Variants in FAM13C observed in about 807,000 individuals in gnomAD.
The protein encoded by FAM13C is protein FAM13C.
FAM13C carries 37 observed loss-of-function variants against 73.2 expected under a neutral mutation model. That is an observed-to-expected ratio of 0.51 (90% CI 0.39 to 0.67). The LOEUF (loss-of-function observed/expected upper bound fraction) is 0.67, where lower values mean the gene tolerates loss of function less well. FAM13C is among the 30% of genes least tolerant of loss of function. The probability of loss-of-function intolerance (pLI) is 0.00; values close to 1 mark genes in which losing one functional copy is unlikely to be tolerated. For synonymous variants in FAM13C, 246 were observed against 260.9 expected, an observed-to-expected ratio of 0.94 and a Z score of 0.55; for missense variants, 589 against 715.6, an observed-to-expected ratio of 0.82 and a Z score of 2.02.
chr10:59,312,860 C>T (rs1205823616), intron 4 of FAM13C, among the ~76,000 whole-genome samples: 6 of 152,180 alleles, frequency 3.9e-5, no homozygotes, highest in African/African-American at 1.4e-4. Flanking sequence ...CACACCAAGC[C>T]TTTCTGACCC....
chr10:59,281,644 G>A (rs1255489003), intron 6 of FAM13C, among the ~76,000 whole-genome samples: 1 of 152,182 alleles, frequency 6.6e-6, no homozygotes, highest in Non-Finnish European at 1.5e-5. Context: ...TCCTCCGTGT[G>A]AGCAATCCCT....
intron 5 of FAM13C, among the ~76,000 whole-genome samples, chr10:59,301,796 A>G (rs563286214): frequency 3.9e-5 from 6 of 152,326 alleles, no homozygotes; most frequent in Non-Finnish European, 7.3e-5. Context: ...CACACACAAA[A>G]ATAACAATTC....
chr10:59,333,176 T>C (rs750908338), intron 3 of FAM13C, among the ~76,000 whole-genome samples: 1 of 152,106 alleles, frequency 6.6e-6, no homozygotes, highest in East Asian at 1.9e-4. Flanking sequence ...TAAGAAAATA[T>C]GTATATTTTA....
chr10:59,341,720 C>T (rs1190055428), intron 3 of FAM13C, among the ~76,000 whole-genome samples: 4 of 151,942 alleles, frequency 2.6e-5, no homozygotes, highest in African/African-American at 9.7e-5. Context: ...AGAAAGAAAT[C>T]CCCTAATTGT....
At chr10:59,329,340 T>TG (rs1168381469) in intron 3 of FAM13C, among the ~76,000 whole-genome samples, 1 of 122,962 alleles carries the variant, frequency 8.1e-6, no homozygotes, top group African/African-American at 3.0e-5. Flanking sequence ...TCTTTCTTTC[T>TG]GGTTTTTTTT....
intron 4 of FAM13C, among the ~76,000 whole-genome samples, chr10:59,322,440 T>C (rs933818757): frequency 2.0e-5 from 3 of 152,062 alleles, no homozygotes; most frequent in African/African-American, 7.2e-5. Context: ...AGATGGGAGA[T>C]GGGGAGGCGA....
chr10:59,363,012 G>C (rs1454783955), upstream of FAM13C: 1 of 162,904 alleles, frequency 6.1e-6, no homozygotes. Flanking sequence ...GAAGGGGGAG[G>C]GGGATATTGC....
intron 8 of FAM13C, 148 bp downstream of exon 8, chr10:59,268,405 T>C (rs1425452468): frequency 4.5e-6 from 4 of 890,134 alleles, no homozygotes; most frequent in Non-Finnish European, 6.8e-6. Flanking sequence ...AGATAGAAGA[T>C]GAAGACTCTA....
chr10:59,249,868 T>C (rs1262010872), intron 13 of FAM13C, among the ~76,000 whole-genome samples: 1 of 152,168 alleles, frequency 6.6e-6, no homozygotes, highest in Non-Finnish European at 1.5e-5. Context: ...ACACTATACA[T>C]AGAACATAAC....
chr10:59,270,705 G>T (rs551096235), intron 6 of FAM13C, among the ~76,000 whole-genome samples: 1 of 152,182 alleles, frequency 6.6e-6, no homozygotes, highest in East Asian at 1.9e-4. Flanking sequence ...AAAACATTCT[G>T]TTTTACATAA....
intron 10 of FAM13C, among the ~76,000 whole-genome samples, chr10:59,260,488 A>T (rs1307562782): frequency 6.6e-6 from 1 of 152,150 alleles, no homozygotes; most frequent in Non-Finnish European, 1.5e-5. Context: ...TCTGTTGAGA[A>T]TGTTTTCTGC....
At chr10:59,287,144 C>G (rs1845677549) in intron 5 of FAM13C, among the ~76,000 whole-genome samples, 1 of 151,046 alleles carries the variant, frequency 6.6e-6, no homozygotes, top group South Asian at 2.1e-4. Context: ...CGAGACCAGC[C>G]TGACCAATAT....
rs1554811296 is a variant in FAM13C at position 59,265,319 on chromosome 10, T to TGGG, written c.943-1154_943-1153insCCC. On this transcript the variant is annotated intron_variant, in intron 8 of 13. Transcript: ENST00000618804. Reference sequence around the variant, plus strand: ...TGGCAGAGGGATAGGGAAGGGGTTTTGGCGGGGGGGGGGGGGAATCCTGGT... The same window carrying TGGG: ...TGGCAGAGGGATAGGGAAGGGGTTTTGGGGGCGGGGGGGGGGGGGAATCCTGGT... Among the ~76,000 whole-genome samples the TGGG allele has an allele frequency of 2.2e-3, 5 of 2,292 alleles. 1 individual carries two copies. Among genetic ancestry groups the TGGG allele is most frequent in the African/African-American group, 2.6e-3 (5 of 1,940 alleles). The allele number at this position is 2,292 out of a possible 152,430, so 1.5% of individuals were successfully genotyped here. A position where few individuals can be genotyped will look rare whatever the true frequency, so the allele number is the denominator to read the frequency against.
intron 4 of FAM13C, among the ~76,000 whole-genome samples, chr10:59,313,576 C>T (rs1238765058): frequency 6.6e-6 from 1 of 152,102 alleles, no homozygotes; most frequent in South Asian, 2.1e-4. Flanking sequence ...CAAGCGAGTC[C>T]AAATCACTGG....
chr10:59,254,596 T>C (rs1841757411), intron 10 of FAM13C, among the ~76,000 whole-genome samples, 153 bp from the exon 11 acceptor site: 1 of 150,888 alleles, frequency 6.6e-6, no homozygotes. Context: ...TTTATTTATT[T>C]ATTTATTTAT....
In FAM13C at chr10:59,301,645, C is replaced by A. The variant is rs554445447; in HGVS notation, c.507+1156G>T. On this transcript the variant is annotated intron_variant, in intron 5 of 13. Coordinates refer to ENST00000618804, the MANE Select transcript of FAM13C (RefSeq NM_198215.4). ...CTTATGTCAAAACAAAGCTTTGCTC[C>A]TTTACAACTAGCATTTTGCTTGTTC... 3.3e-5 allele frequency among the ~76,000 whole-genome samples: 5 copies of A among 152,356 alleles called. No individual in the cohort carries two copies. The East Asian group carries it at 9.6e-4, about 29-fold the overall frequency.
intron 12 of FAM13C, among the ~76,000 whole-genome samples, chr10:59,252,463 T>C (rs574212140): frequency 1.3e-5 from 2 of 152,142 alleles, no homozygotes; most frequent in African/African-American, 4.8e-5. Flanking sequence ...TAATCTGGGC[T>C]GTAAGATACA....
intron 2 of FAM13C, among the ~76,000 whole-genome samples, chr10:59,355,070 C>T (rs1855540789): frequency 6.6e-6 from 1 of 152,038 alleles, no homozygotes; most frequent in Admixed American, 6.5e-5. Context: ...CTTCAGGAAT[C>T]AATCCAAGAA....
chr10:59,265,017 T>C (rs770676859), intron 8 of FAM13C, among the ~76,000 whole-genome samples: 6 of 151,966 alleles, frequency 3.9e-5, no homozygotes, highest in Non-Finnish European at 8.8e-5. Context: ...TTTTTTTCTT[T>C]AAGGATCCAC....
Sources: gnomAD v4.1 joint callset for allele counts (sites outside exome capture counted in the v4.1 genomes callset) on GRCh38, gnomAD v4.1.1 for gene constraint, MANE v1.5 for transcripts, NCBI Gene and HGNC (gene_info 2026-07-23, HGNC 2026-07-21) for gene names.